SDC2: variants seen among roughly 807,000 people sequenced by gnomAD.
SDC2 encodes syndecan 2.
A neutral mutation model predicts 22.2 loss-of-function variants in SDC2; 13 were observed. The observed-to-expected ratio is 0.59, with a 90% confidence interval of 0.38 to 0.93. The LOEUF is 0.93. SDC2 is among the 40% of genes least tolerant of loss of function. The probability of loss-of-function intolerance (pLI) is 0.00; values close to 1 mark genes in which losing one functional copy is unlikely to be tolerated. For missense variants in SDC2, 235 were observed against 246.8 expected (o/e 0.95, Z 0.32); for synonymous variants, 94 against 92.8 (o/e 1.01, Z -0.07).
rs578166675 is a variant in SDC2 at position 96,571,842 on chromosome 8, A to G, written c.61-21638A>G. Reference sequence around the variant, plus strand: ...GTCAGCTTGGTGGCTTTTGGAACCCAGAGGGAGCAATAATAGTATCATTAG... The same window carrying G: ...GTCAGCTTGGTGGCTTTTGGAACCCGGAGGGAGCAATAATAGTATCATTAG... On this transcript the variant is annotated intron_variant, in intron 1 of 4. Transcript: ENST00000302190. Among the ~76,000 whole-genome samples, 5 of 152,336 alleles carry G rather than the reference A, an allele frequency of 3.3e-5. No individual in the cohort carries two copies. The South Asian group carries it at 1.0e-3, about 32-fold the overall frequency.
chr8:96,577,217 T>C (rs1246664883), intron 1 of SDC2, among the ~76,000 whole-genome samples: 2 of 152,198 alleles, frequency 1.3e-5, no homozygotes, highest in Non-Finnish European at 2.9e-5. Context: ...AATGTGTCGT[T>C]TATTTGCTGA....
intron 1 of SDC2, among the ~76,000 whole-genome samples, chr8:96,580,012 T>G (rs187296187): frequency 1.8e-4 from 27 of 152,356 alleles, no homozygotes; most frequent in Non-Finnish European, 3.8e-4. Context: ...CACGATTGAT[T>G]ATAGCTGCTT....
chr8:96,535,894 G>A (rs1272124984), intron 1 of SDC2, among the ~76,000 whole-genome samples: 1 of 152,152 alleles, frequency 6.6e-6, no homozygotes, highest in Non-Finnish European at 1.5e-5. Flanking sequence ...TAAAAAGATG[G>A]TCAGACCAGT....
chr8:96,582,441 C>CA (rs1329896731), intron 1 of SDC2, among the ~76,000 whole-genome samples: 2 of 152,230 alleles, frequency 1.3e-5, no homozygotes, highest in Non-Finnish European at 2.9e-5. Context: ...GTGGTCTCGT[C>CA]AGCTTTAGAT....
intron 1 of SDC2, among the ~76,000 whole-genome samples, chr8:96,585,758 A>G (rs112054849): frequency 0.03 from 4,541 of 152,254 alleles, 229 homozygotes; most frequent in African/African-American, 0.1. Context: ...AGATGCCCCA[A>G]CGTACATACA....
intron 1 of SDC2, among the ~76,000 whole-genome samples, chr8:96,544,404 GCTGA>G (rs983743270): frequency 3.9e-5 from 6 of 151,988 alleles, no homozygotes; most frequent in African/African-American, 1.5e-4. Context: ...CTTCCTGCTT[GCTGA>G]CTGTCTTTTC....
chr8:96,548,929 A>G (rs759058346), intron 1 of SDC2, among the ~76,000 whole-genome samples: 1 of 152,198 alleles, frequency 6.6e-6, no homozygotes, highest in Non-Finnish European at 1.5e-5. Flanking sequence ...AACTTCCTAG[A>G]GCATTCTAGA....
rs144370201 is a variant in SDC2, at chr8:96,495,706, C to G, written c.60+1375C>G. ...TTTTTGTGCTGAGGCTAATTTAGGA[C>G]TGGGAAACCTCTTTGGCATCGAGCG... On this transcript the variant is annotated intron_variant, in intron 1 of 4. Transcript: ENST00000302190. Among the ~76,000 whole-genome samples, 1,370 of 152,178 alleles carry G rather than the reference C, an allele frequency of 9.0e-3. 12 individuals carry two copies. The highest frequency in any genetic ancestry group is 0.025 in the Admixed American group (383 of 15,284).
chr8:96,592,363 A>C (rs1814795687), intron 1 of SDC2, among the ~76,000 whole-genome samples: 1 of 152,234 alleles, frequency 6.6e-6, no homozygotes, highest in Non-Finnish European at 1.5e-5. Flanking sequence ...GATTAAATCT[A>C]ATGAAAGCCA....
intron 1 of SDC2, among the ~76,000 whole-genome samples, chr8:96,502,922 A>G (rs891675068): frequency 2.0e-5 from 3 of 152,182 alleles, no homozygotes; most frequent in Non-Finnish European, 4.4e-5. Flanking sequence ...CACACACATT[A>G]GTTGGGCTCA....
intron 1 of SDC2, among the ~76,000 whole-genome samples, chr8:96,574,867 A>G (rs1814459761): frequency 6.6e-6 from 1 of 152,140 alleles, no homozygotes; most frequent in Admixed American, 6.5e-5. Flanking sequence ...TGGCTTTGTG[A>G]AAGACAGTTT....
In SDC2 at chr8:96,601,242, G is replaced by T. The variant is rs1376890215; in HGVS notation, c.173-1153G>T. On this transcript the variant is annotated intron_variant, in intron 2 of 4. Transcript: ENST00000302190. ...TGACCTTAACAAAACAGTATTAATAGTGATGACAGGGAAAATGCTCCTGGA... is the reference window on the plus strand; with the variant it reads ...TGACCTTAACAAAACAGTATTAATATTGATGACAGGGAAAATGCTCCTGGA... Among the ~76,000 whole-genome samples the T allele has an allele frequency of 2.6e-5, 4 of 152,194 alleles. No homozygotes were observed. The East Asian group carries it at 7.7e-4, about 29-fold the overall frequency.
At chr8:96,558,482 TAG>T (rs746711711) in intron 1 of SDC2, among the ~76,000 whole-genome samples, 3 of 152,230 alleles carry the variant, frequency 2.0e-5, no homozygotes, top group Non-Finnish European at 4.4e-5. Flanking sequence ...CCGTCTGAGA[TAG>T]TCTTAAGGTT....
At chr8:96,545,118 C>T (rs1011590021) in intron 1 of SDC2, among the ~76,000 whole-genome samples, 1 of 152,188 alleles carries the variant, frequency 6.6e-6, no homozygotes, top group African/African-American at 2.4e-5. Context: ...CTCTTATTGT[C>T]ATTGCATTAG....
At chr8:96,556,195 G>A (rs1965835) in intron 1 of SDC2, among the ~76,000 whole-genome samples, 9 of 151,742 alleles carry the variant, frequency 5.9e-5, no homozygotes, top group African/African-American at 9.7e-5. Flanking sequence ...CCCCTCTTTG[G>A]GAATGATAAT....
chr8:96,554,265 A>G (rs561437073), intron 1 of SDC2, among the ~76,000 whole-genome samples: 137 of 152,314 alleles, frequency 9.0e-4, no homozygotes, highest in African/African-American at 3.1e-3. Context: ...TGAAATACGT[A>G]TTTGAGTAGC....
chr8:96,554,492 A>AG (rs1184057935), intron 1 of SDC2, among the ~76,000 whole-genome samples: 4 of 152,164 alleles, frequency 2.6e-5, no homozygotes, highest in Non-Finnish European at 5.9e-5. Flanking sequence ...TAAAAAAAAA[A>AG]GACCTCTAAT....
At chr8:96,561,741 A>G (rs1363270709) in intron 1 of SDC2, among the ~76,000 whole-genome samples, 1 of 152,214 alleles carries the variant, frequency 6.6e-6, no homozygotes, top group South Asian at 2.1e-4. Context: ...GGATACCAGT[A>G]GTGAAAGAAT....
chr8:96,513,936 C>T (rs1050621648), intron 1 of SDC2, among the ~76,000 whole-genome samples: 28 of 152,146 alleles, frequency 1.8e-4, no homozygotes, highest in Admixed American at 1.6e-3. Context: ...GAGTCGCTGA[C>T]CTTTATAGCT....
Sources: allele counts gnomAD v4.1 joint callset (sites outside exome capture counted in the v4.1 genomes callset), GRCh38; gene constraint gnomAD v4.1.1; transcripts MANE v1.5; gene names NCBI Gene and HGNC (gene_info 2026-07-23, HGNC 2026-07-21).